The following HNRNPF variants were observed in gnomAD, a reference collection of about 807,000 sequenced individuals.
The protein encoded by HNRNPF is heterogeneous nuclear ribonucleoprotein F.
Under a neutral mutation model 26.0 loss-of-function variants are expected in HNRNPF, and 2 were observed. That is an observed-to-expected ratio of 0.08 (90% confidence interval 0.03 to 0.24). The LOEUF is 0.24. Among genes scored for constraint, HNRNPF ranks in the 10% least tolerant of loss-of-function variants. HNRNPF has a pLI of 1.00. For synonymous variants in HNRNPF, 234 were observed against 211.5 expected, an observed-to-expected ratio of 1.11 and a Z score of -0.92; for missense variants, 299 against 539.2, an observed-to-expected ratio of 0.55 and a Z score of 4.41.
intron 3 of HNRNPF, among the ~76,000 whole-genome samples, chr10:43,390,142 C>T (rs1212361533): frequency 1.3e-5 from 2 of 152,200 alleles, no homozygotes; most frequent in African/African-American, 4.8e-5. Flanking sequence ...CTCCTGTCCA[C>T]GGAGGGAATT....
At chr10:43,407,862 T>C (rs958200874) in intron 1 of HNRNPF, 1 of 152,186 alleles carries the variant, frequency 6.6e-6, no homozygotes, top group Non-Finnish European at 1.5e-5. Flanking sequence ...AAGGAAGTCT[T>C]GTGCAACTCT....
intron 2 of HNRNPF, among the ~76,000 whole-genome samples, chr10:43,395,743 C>A (rs892083152): frequency 1.3e-5 from 2 of 152,180 alleles, no homozygotes. Context: ...ATGATCTGAT[C>A]CACTTATGCC....
At chr10:43,397,221 C>T (rs1368796052) in intron 1 of HNRNPF, 1 of 152,054 alleles carries the variant, frequency 6.6e-6, no homozygotes, top group African/African-American at 2.4e-5. Flanking sequence ...CGAGGAGGCG[C>T]GGGGTCCGGA....
rs374832264 is a variant in HNRNPF at position 43,387,503 on chromosome 10, C to T, written c.382G>A (p.Val128Ile). ...ATTTCCAACCCTGAGAAGAACTGAA[C>T]AATTTCTTCCTTTGTGCATCCAAAT... is the stretch of plus-strand genomic sequence containing the variant. Reference protein sequence around the residue: ...LPFGCTKEEIVQFFSGLEIVP... With the variant: ...LPFGCTKEEIIQFFSGLEIVP... Residue 128 changes from valine (V) to isoleucine (I), a missense_variant, in exon 4 of 4, where the codon GTT (valine) becomes ATT (isoleucine). Transcript: ENST00000682386. This position sits in a 1 kb window ranked among gnomAD's most constrained non-coding sequence, Gnocchi z 6.0. 9 of 1,614,102 alleles carry T rather than the reference C, an allele frequency of 5.6e-6. No individual in the cohort carries two copies. The highest frequency in any genetic ancestry group is 7.6e-6 in the Non-Finnish European group (9 of 1,180,054).
At chr10:43,395,731 T>C (rs540020391) in intron 2 of HNRNPF, among the ~76,000 whole-genome samples, 13 of 152,172 alleles carry the variant, frequency 8.5e-5, no homozygotes, top group Non-Finnish European at 1.5e-4. Flanking sequence ...CCAGTCATCT[T>C]AATGATCTGA....
chr10:43,392,896 T>C (rs1278332759), intron 3 of HNRNPF, among the ~76,000 whole-genome samples: 1 of 152,194 alleles, frequency 6.6e-6, no homozygotes, highest in African/African-American at 2.4e-5. Context: ...TTCTCCTCTG[T>C]GCCACAACTA....
rs1259780901 is a variant in HNRNPF, at chr10:43,387,775, T to C, written c.110A>G (p.His37Arg). 10 of 1,613,704 alleles carry C rather than the reference T, an allele frequency of 6.2e-6. No individual in the cohort carries two copies. The highest frequency in any genetic ancestry group is 1.6e-4 in the Middle Eastern group (1 of 6,062). ...VQNFLSDCTI[H>R]DGAAGVHFIY... is the part of the protein sequence containing the mutation. ...GAAATGGACACCTGCGGCCCCATCA[T>C]GAATCGTGCAGTCAGAGAGGAAGTT... Residue 37 changes from histidine (H) to arginine (R), a missense_variant, in exon 4 of 4, where the codon CAT becomes CGT. Transcript: ENST00000682386. This position sits in a 1 kb window ranked among gnomAD's most constrained non-coding sequence, Gnocchi z 6.0.
intron 3 of HNRNPF, among the ~76,000 whole-genome samples, chr10:43,390,901 C>T (rs906146346): frequency 9.9e-5 from 15 of 152,120 alleles, no homozygotes; most frequent in Non-Finnish European, 2.2e-4. Flanking sequence ...TCTCTGCCCA[C>T]TAGATGCCAG....
At position 43,385,890 on chromosome 10, in the gene HNRNPF, A is replaced by G. The variant is rs142778208; in HGVS notation, c.*747T>C. 6.1e-3 allele frequency: 933 copies of G among 152,762 alleles called. 5 individuals are homozygous for G. The highest frequency in any genetic ancestry group is 9.5e-3 in the Admixed American group (146 of 15,302). 9.5% of individuals were successfully genotyped at this position (152,762 alleles called of 1,614,324 possible). A position where few individuals can be genotyped will look rare whatever the true frequency, so the allele number is the denominator to read the frequency against. On this transcript the variant is annotated 3_prime_UTR_variant, in exon 4 of 4. Coordinates refer to ENST00000682386, the MANE Select transcript of HNRNPF (RefSeq NM_001098204.2). ...TATTAGACTTTTATTTAGCCTCATC[A>G]TAAGAATATAAGGGAGATCATAGAT...
chr10:43,398,909 T>C (rs1174134086), intron 1 of HNRNPF, among the ~76,000 whole-genome samples: 4 of 152,150 alleles, frequency 2.6e-5, no homozygotes, highest in African/African-American at 4.8e-5. Flanking sequence ...ATACTGCATA[T>C]AGTGATGTAG....
At chr10:43,403,488 A>G (rs1676980829) in intron 1 of HNRNPF, among the ~76,000 whole-genome samples, 1 of 152,228 alleles carries the variant, frequency 6.6e-6, no homozygotes, top group Non-Finnish European at 1.5e-5. Flanking sequence ...AATTTCACTC[A>G]AGAACTCAGA....
rs1246260614 is a variant in HNRNPF, at chr10:43,385,682, G to C, written c.*955C>G. 1.3e-5 allele frequency: 2 copies of C among 152,134 alleles called. No homozygotes were observed. Among genetic ancestry groups the C allele is most frequent in the Non-Finnish European group, 2.9e-5 (2 of 68,036 alleles). The allele number at this position is 152,134 out of a possible 1,614,324, so 9.4% of individuals were successfully genotyped here. On this transcript the variant is annotated 3_prime_UTR_variant, in exon 4 of 4. Coordinates refer to ENST00000682386, the MANE Select transcript of HNRNPF (RefSeq NM_001098204.2). ...TAATTGCTTTCACAATGTAGTACTT[G>C]AAACTAAAGTTCTCCAGCTATCAAC...
intron 1 of HNRNPF, among the ~76,000 whole-genome samples, chr10:43,399,313 C>T (rs1231111194): frequency 6.6e-6 from 1 of 152,052 alleles, no homozygotes; most frequent in Non-Finnish European, 1.5e-5. Context: ...GTCTGTAACT[C>T]CTGGGCTCAA....
chr10:43,408,031 C>T (rs1838987112), intron 1 of HNRNPF, among the ~76,000 whole-genome samples: 1 of 152,232 alleles, frequency 6.6e-6, no homozygotes, highest in South Asian at 2.1e-4. Context: ...AAGCGACCCT[C>T]CCGCCTCAGC....
chr10:43,393,840 T>G (rs745549789), intron 3 of HNRNPF, among the ~76,000 whole-genome samples: 2 of 152,222 alleles, frequency 1.3e-5, no homozygotes. Flanking sequence ...GCAAGCTCTC[T>G]GCCCCTTCAG....
chr10:43,387,170 C>T lies in HNRNPF; in HGVS notation c.715G>A (p.Gly239Ser). Residue 239 changes from glycine (G) to serine (S), a missense_variant, in exon 4 of 4, where the codon GGC (glycine) becomes AGC (serine). Transcript: ENST00000682386. This position sits in a 1 kb window ranked among gnomAD's most constrained non-coding sequence, Gnocchi z 6.0. ...ERMRPGAYST[G>S]YGGYEEYSGL... is the part of the protein sequence containing the mutation. ...CTGTACTCCTCGTAGCCCCCGTAGC[C>T]TGTGCTGTAGGCACCAGGCCTCATC... The T allele has an allele frequency of 6.2e-7, 1 of 1,614,190 alleles. No homozygotes were observed. The highest frequency in any genetic ancestry group is 8.5e-7 in the Non-Finnish European group (1 of 1,180,032).
intron 1 of HNRNPF, among the ~76,000 whole-genome samples, chr10:43,407,084 A>G (rs1478465019): frequency 6.6e-6 from 1 of 152,176 alleles, no homozygotes; most frequent in Non-Finnish European, 1.5e-5. Context: ...AACTAAGTAG[A>G]AAGAATTATA....
intron 1 of HNRNPF, among the ~76,000 whole-genome samples, chr10:43,406,726 T>C (rs1339052433): frequency 6.6e-6 from 1 of 151,898 alleles, no homozygotes; most frequent in Admixed American, 6.6e-5. Context: ...AGAGACGGGG[T>C]AGGTCTCTGG....
At chr10:43,403,755 T>C (rs1209567214) in intron 1 of HNRNPF, among the ~76,000 whole-genome samples, 1 of 152,104 alleles carries the variant, frequency 6.6e-6, no homozygotes, top group Non-Finnish European at 1.5e-5. Context: ...TCCCAGCACT[T>C]TGGGAGGCCG....
Sources: gnomAD v4.1 joint callset for allele counts (sites outside exome capture counted in the v4.1 genomes callset) on GRCh38, gnomAD v4.1.1 for gene constraint, Gnocchi (gnomAD v3.1) non-coding constraint, MANE v1.5 for transcripts, NCBI Gene and HGNC (gene_info 2026-07-23, HGNC 2026-07-21) for gene names.